The following THRB variants were observed in gnomAD, a reference collection of about 807,000 sequenced individuals.
THRB encodes the protein nuclear receptor subfamily 1 group A member 2.
THRB carries 12 observed loss-of-function variants against 47.8 expected under a neutral mutation model. That is an observed-to-expected ratio of 0.25 (90% confidence interval 0.16 to 0.41). The LOEUF (loss-of-function observed/expected upper bound fraction) is 0.41, where lower values mean the gene tolerates loss of function less well. THRB is among the 10% of genes least tolerant of loss of function. The pLI is 1.00. For synonymous variants in THRB, 218 were observed against 212.2 expected (o/e 1.03, Z -0.24); for missense variants, 348 against 589.2 (o/e 0.59, Z 4.24).
At chr3:24,273,420 C>G (rs1383451482) in intron 3 of THRB, among the ~76,000 whole-genome samples, 2 of 152,136 alleles carry the variant, frequency 1.3e-5, no homozygotes, top group Non-Finnish European at 2.9e-5. Context: ...ATTAATATCT[C>G]TTATCATCTA....
At chr3:24,468,511 A>G (rs1434965292) in intron 1 of THRB, among the ~76,000 whole-genome samples, 1 of 152,162 alleles carries the variant, frequency 6.6e-6, no homozygotes. Flanking sequence ...TTTTCACTTG[A>G]ACACTTAGAG....
chr3:24,279,141 G>A (rs1022925573), intron 3 of THRB, among the ~76,000 whole-genome samples: 4 of 152,040 alleles, frequency 2.6e-5, no homozygotes, highest in African/African-American at 4.8e-5. Context: ...CTCTATGACT[G>A]GCTTACATTT....
chr3:24,480,765 C>A (rs1696235740), intron 1 of THRB, among the ~76,000 whole-genome samples: 1 of 152,142 alleles, frequency 6.6e-6, no homozygotes. Context: ...AATAAAATCC[C>A]TTCAGGGCAA....
intron 6 of THRB, 32 bp downstream of exon 6, chr3:24,152,358 A>G (rs1429477739): frequency 1.6e-6 from 2 of 1,216,794 alleles, no homozygotes; most frequent in African/African-American, 1.5e-5. Context: ...GAGCTGGGCT[A>G]AGCTCTGTGC....
intron 1 of THRB, among the ~76,000 whole-genome samples, chr3:24,347,440 CAG>C (rs1402224266): frequency 6.0e-5 from 9 of 151,054 alleles, no homozygotes; most frequent in Non-Finnish European, 1.3e-4. Flanking sequence ...GTTACTGTAA[CAG>C]AGAAAATCAA....
At chr3:24,299,771 TTATTTATTTATTTATTTA>T (rs757770839) in intron 2 of THRB, among the ~76,000 whole-genome samples, 923 of 68,490 alleles carry the variant, frequency 0.013, 191 homozygotes, top group African/African-American at 0.053. Flanking sequence ...GTATGCTTTT[TTATTTATTTATTTATTTA>T]TTTTTTTTTT....
chr3:24,421,738 A>G (rs9817628), intron 1 of THRB, among the ~76,000 whole-genome samples: 32,549 of 151,934 alleles, frequency 0.21, 3,953 homozygotes, highest in African/African-American at 0.32. Flanking sequence ...TTATTACAAC[A>G]TAAAATGATG....
chr3:24,388,021 T>C (rs951557583), intron 1 of THRB, among the ~76,000 whole-genome samples: 3 of 152,082 alleles, frequency 2.0e-5, no homozygotes, highest in African/African-American at 7.2e-5. Context: ...TCTACAGCTA[T>C]GATGGGTATT....
intron 1 of THRB, among the ~76,000 whole-genome samples, chr3:24,437,461 C>A (rs938298809): frequency 2.6e-5 from 4 of 151,798 alleles, no homozygotes; most frequent in Admixed American, 6.6e-5. Flanking sequence ...GTCTAGCACT[C>A]GAAAGTACAG....
intron 2 of THRB, among the ~76,000 whole-genome samples, chr3:24,300,472 T>C (rs547928139): frequency 3.2e-4 from 49 of 152,220 alleles, no homozygotes; most frequent in Non-Finnish European, 6.0e-4. Context: ...TTCCAGATTC[T>C]TCTTTCCCTC....
intron 3 of THRB, among the ~76,000 whole-genome samples, chr3:24,284,260 C>T (rs1305897315): frequency 6.6e-6 from 1 of 151,644 alleles, no homozygotes; most frequent in African/African-American, 2.4e-5. Flanking sequence ...AGAACAGAGC[C>T]CTCAGAAATA....
chr3:24,383,473 T>C (rs2065858673), intron 1 of THRB, among the ~76,000 whole-genome samples: 1 of 152,194 alleles, frequency 6.6e-6, no homozygotes, highest in African/African-American at 2.4e-5. Context: ...TTATTAATAG[T>C]AGGTACACTG....
At position 24,176,465 on chromosome 3, in the gene THRB, C is replaced by A. The variant is rs539889093; in HGVS notation, c.283+13609G>T. Among the ~76,000 whole-genome samples the A allele has an allele frequency of 2.0e-5, 3 of 152,238 alleles. No individual in the cohort carries two copies. The East Asian group carries it at 5.8e-4, about 29-fold the overall frequency. On this transcript the variant is annotated intron_variant, in intron 5 of 10. Transcript: ENST00000646209. ...GAATAATGAATGAACAATTGAATCA[C>A]CTGCATTTACTTTGCTTTTTCACCC...
At chr3:24,150,579 T>G (rs761584014) in intron 6 of THRB, among the ~76,000 whole-genome samples, 1 of 152,188 alleles carries the variant, frequency 6.6e-6, no homozygotes, top group Non-Finnish European at 1.5e-5. Flanking sequence ...AACAGGCTAG[T>G]TGATTTCTTG....
chr3:24,378,034 C>A (rs2065424630), intron 1 of THRB, among the ~76,000 whole-genome samples: 1 of 152,172 alleles, frequency 6.6e-6, no homozygotes, highest in South Asian at 2.1e-4. Context: ...ACCAATTTTT[C>A]TCCTTTTGTT....
At chr3:24,440,746 G>A (rs970351834) in intron 1 of THRB, among the ~76,000 whole-genome samples, 15 of 152,218 alleles carry the variant, frequency 9.9e-5, no homozygotes, top group Middle Eastern at 6.8e-3. Flanking sequence ...GGGGGTGAAA[G>A]GGATGATGAC....
intron 4 of THRB, among the ~76,000 whole-genome samples, chr3:24,205,134 A>T (rs2045153767): frequency 6.6e-6 from 1 of 152,210 alleles, no homozygotes; most frequent in South Asian, 2.1e-4. Context: ...CAACATTCAG[A>T]TTCAGGAAAG....
At chr3:24,402,262 T>A (rs1013501012) in intron 1 of THRB, among the ~76,000 whole-genome samples, 26 of 152,060 alleles carry the variant, frequency 1.7e-4, no homozygotes, top group Non-Finnish European at 2.2e-4. Flanking sequence ...TTCATCAATG[T>A]AGGCATATCA....
chr3:24,409,642 A>C (rs1435302625), intron 1 of THRB, among the ~76,000 whole-genome samples: 1 of 151,898 alleles, frequency 6.6e-6, no homozygotes, highest in Non-Finnish European at 1.5e-5. Context: ...TGCTTAGCAC[A>C]GTGCCTGACA....
Sources: gnomAD v4.1 joint callset for allele counts (sites outside exome capture counted in the v4.1 genomes callset) on GRCh38, gnomAD v4.1.1 for gene constraint, MANE v1.5 for transcripts, NCBI Gene and HGNC (gene_info 2026-07-23, HGNC 2026-07-21) for gene names.